CNKSR2: variants seen among roughly 807,000 people sequenced by gnomAD.
CNKSR2 encodes connector enhancer of kinase suppressor of Ras 2.
In CNKSR2, 14 loss-of-function variants were observed where a neutral mutation model predicts 84.4. That is an observed-to-expected ratio of 0.17 (90% confidence interval 0.11 to 0.26). The LOEUF (loss-of-function observed/expected upper bound fraction) is 0.26, where lower values mean the gene tolerates loss of function less well. Ranked by LOEUF, CNKSR2 falls within the 10% of genes least tolerant of loss-of-function variation. The pLI, the probability that CNKSR2 is intolerant of heterozygous loss-of-function variation, is 1.00. For missense variants in CNKSR2, 485 were observed against 771.2 expected (o/e 0.63, Z 4.40); for synonymous variants, 275 against 277.9 (o/e 0.99, Z 0.10).
intron 11 of CNKSR2, among the ~76,000 whole-genome samples, chrX:21,556,745 G>A (rs2092143373): frequency 9.1e-6 from 1 of 110,422 alleles, no homozygotes; most frequent in Non-Finnish European, 1.9e-5. Flanking sequence ...AAGAGGGGAG[G>A]AGAAGAATTG....
At chrX:21,507,022 T>C (rs997313877) in intron 8 of CNKSR2, among the ~76,000 whole-genome samples, 2 of 106,650 alleles carry the variant, frequency 1.9e-5, no homozygotes, top group Non-Finnish European at 3.9e-5. Context: ...AAAGGAAGAG[T>C]CTGCCAGTCA....
intron 11 of CNKSR2, among the ~76,000 whole-genome samples, chrX:21,536,034 G>A (rs1459066490): frequency 9.1e-6 from 1 of 109,843 alleles, no homozygotes; most frequent in Non-Finnish European, 1.9e-5. Flanking sequence ...GTGTTGAGGT[G>A]CATTGCTTTC....
intron 4 of CNKSR2, among the ~76,000 whole-genome samples, chrX:21,451,038 T>C (rs1434409463): frequency 8.9e-6 from 1 of 112,363 alleles, no homozygotes; most frequent in East Asian, 2.8e-4. Context: ...ATTAGAAATT[T>C]TATTTTCAAC....
At chrX:21,621,732 G>T (rs1226663167) in intron 20 of CNKSR2, among the ~76,000 whole-genome samples, 1 of 110,674 alleles carries the variant, frequency 9.0e-6, no homozygotes, top group African/African-American at 3.3e-5. Context: ...TCTTATGTAA[G>T]ACACACTGCC....
chrX:21,510,007 TGA>T (rs1452116019), intron 8 of CNKSR2, among the ~76,000 whole-genome samples: 1 of 111,709 alleles, frequency 9.0e-6, no homozygotes, highest in Non-Finnish European at 1.9e-5. Flanking sequence ...TGGCAAAGAC[TGA>T]GTGTCATTAG....
At chrX:21,392,785 T>C (rs1483658944) in intron 1 of CNKSR2, among the ~76,000 whole-genome samples, 2 of 111,647 alleles carry the variant, frequency 1.8e-5, no homozygotes, top group African/African-American at 6.5e-5. Context: ...ATGTGGTACC[T>C]TATTTTCATC....
chrX:21,632,105 C>T (rs1039895536), intron 20 of CNKSR2, among the ~76,000 whole-genome samples: 1 of 112,127 alleles, frequency 8.9e-6, no homozygotes, highest in Non-Finnish European at 1.9e-5. Flanking sequence ...GATTTTACAT[C>T]TTAGTAATAA....
At chrX:21,547,292 G>A (rs898544369) in intron 11 of CNKSR2, among the ~76,000 whole-genome samples, 2 of 111,454 alleles carry the variant, frequency 1.8e-5, no homozygotes, top group Non-Finnish European at 3.8e-5. Flanking sequence ...CCTAGTCTCT[G>A]ATAAAACAGA....
chrX:21,529,576 C>A (rs759658665), intron 10 of CNKSR2, among the ~76,000 whole-genome samples: 2 of 110,553 alleles, frequency 1.8e-5, no homozygotes, highest in Non-Finnish European at 3.8e-5. Flanking sequence ...TTATTACTTA[C>A]GTGCATTAAC....
At chrX:21,582,064 ATC>A (rs2092356910) in intron 13 of CNKSR2, among the ~76,000 whole-genome samples, 1 of 111,509 alleles carries the variant, frequency 9.0e-6, no homozygotes, top group African/African-American at 3.3e-5. Context: ...TTGCAGTCCC[ATC>A]TCTGTCTACT....
At chrX:21,559,176 A>C (rs1359195181) in intron 11 of CNKSR2, among the ~76,000 whole-genome samples, 1 of 110,791 alleles carries the variant, frequency 9.0e-6, no homozygotes, top group Non-Finnish European at 1.9e-5. Context: ...TTCTTAGCTT[A>C]AAAGAATTTA....
intron 20 of CNKSR2, among the ~76,000 whole-genome samples, chrX:21,640,001 C>T (rs1335545358): frequency 4.5e-5 from 5 of 111,666 alleles, no homozygotes; most frequent in Admixed American, 1.9e-4. Context: ...CTTATGCTAA[C>T]TAACTGGTAG....
chrX:21,422,221 G>A (rs950115831), intron 1 of CNKSR2: 4 of 111,615 alleles, frequency 3.6e-5, no homozygotes, highest in African/African-American at 1.3e-4. Flanking sequence ...CTGCTGCTAG[G>A]CCTTTAGGAG....
intron 8 of CNKSR2, among the ~76,000 whole-genome samples, chrX:21,514,954 C>T (rs1165778793): frequency 9.1e-6 from 1 of 110,116 alleles, no homozygotes; most frequent in Non-Finnish European, 1.9e-5. Context: ...TGTAATATAC[C>T]TTTGGGCACA....
At chrX:21,428,915 G>A (rs2090599701) in intron 2 of CNKSR2, 1 of 111,054 alleles carries the variant, frequency 9.0e-6, no homozygotes, top group South Asian at 3.8e-4. Flanking sequence ...TATTTATAAA[G>A]CAATGTATTA....
Position 21,605,313 on chromosome X carries a change from A to G in CNKSR2, c.2045-1466A>G, listed in dbSNP as rs141026118. ...TACTGGCTGTCACTGGCATGAACCA[A>G]TGGAAAAAAAACAGATATCAAATTA... On this transcript the variant is annotated intron_variant, in intron 18 of 21. Coordinates refer to ENST00000379510, the MANE Select transcript of CNKSR2 (RefSeq NM_014927.5). Among the ~76,000 whole-genome samples, 32 of 112,433 alleles carry G rather than the reference A, an allele frequency of 2.8e-4. No homozygotes were observed. The East Asian group carries it at 7.8e-3, about 27-fold the overall frequency.
intron 5 of CNKSR2, among the ~76,000 whole-genome samples, chrX:21,471,264 T>G (rs1418975022): frequency 1.8e-5 from 2 of 112,455 alleles, no homozygotes; most frequent in Admixed American, 9.4e-5. Context: ...ATGGCAATAT[T>G]TTTGAATCAG....
At chrX:21,552,350 G>A (rs1343321629) in intron 11 of CNKSR2, among the ~76,000 whole-genome samples, 1 of 111,798 alleles carries the variant, frequency 8.9e-6, no homozygotes, top group African/African-American at 3.2e-5. Flanking sequence ...ATCTTTGAAA[G>A]TTTTGTTGAA....
At chrX:21,499,094 C>T (rs895637359) in intron 7 of CNKSR2, among the ~76,000 whole-genome samples, 7 of 111,296 alleles carry the variant, frequency 6.3e-5, no homozygotes, top group African/African-American at 2.0e-4. Context: ...ATATGAGAGT[C>T]GTAGGGATCA....
Sources: allele counts gnomAD v4.1 joint callset (sites outside exome capture counted in the v4.1 genomes callset), GRCh38; gene constraint gnomAD v4.1.1; transcripts MANE v1.5; gene names NCBI Gene and HGNC (gene_info 2026-07-23, HGNC 2026-07-21).